Variants in MARCHF1 observed in about 807,000 individuals in gnomAD.
The protein encoded by MARCHF1 is membrane associated ring-CH-type finger 1.
In MARCHF1, 40 loss-of-function variants were observed where a neutral mutation model predicts 54.2. The observed-to-expected ratio is 0.74, with a 90% CI of 0.57 to 0.96. MARCHF1 has a LOEUF of 0.96. Among genes scored for constraint, MARCHF1 ranks in the 40% least tolerant of loss-of-function variants. MARCHF1 has a pLI of 0.00. For missense variants in MARCHF1, 586 were observed against 656.5 expected, an observed-to-expected ratio of 0.89 and a Z score of 1.17; for synonymous variants, 236 against 236.3, an observed-to-expected ratio of 1.00 and a Z score of 0.01.
At chr4:164,033,675 C>G (rs1379488049) in intron 2 of MARCHF1, among the ~76,000 whole-genome samples, 1 of 152,102 alleles carries the variant, frequency 6.6e-6, no homozygotes, top group African/African-American at 2.4e-5. Flanking sequence ...TGAAAAAAAG[C>G]TCAACATCAC....
chr4:163,600,215 ATACACACACAC>A (rs1310220143), intron 7 of MARCHF1, among the ~76,000 whole-genome samples: 2 of 152,016 alleles, frequency 1.3e-5, no homozygotes, highest in African/African-American at 2.4e-5. Flanking sequence ...CATATTTTAT[ATACACACACAC>A]TACACACACA....
At chr4:164,177,558 C>A (rs942265416) in intron 1 of MARCHF1, among the ~76,000 whole-genome samples, 1 of 151,582 alleles carries the variant, frequency 6.6e-6, no homozygotes, top group African/African-American at 2.4e-5. Context: ...AGGACAAGTT[C>A]TTTTTCCTCT....
intron 1 of MARCHF1, among the ~76,000 whole-genome samples, chr4:164,136,272 G>GAAAAAAAAAAAAAA (rs5863663): frequency 8.2e-6 from 1 of 121,520 alleles, no homozygotes; most frequent in Non-Finnish European, 1.6e-5. Context: ...AGTTGAAGTG[G>GAAAAAAAAAAAAAA]AAAAAAAAAA....
chr4:164,049,447 T>A (rs1579490384), intron 2 of MARCHF1, among the ~76,000 whole-genome samples: 1 of 152,316 alleles, frequency 6.6e-6, no homozygotes, highest in Non-Finnish European at 1.5e-5. Flanking sequence ...TAATCTTTTT[T>A]TTTTTAAATA....
chr4:163,758,801 C>T (rs1419725877), intron 4 of MARCHF1, among the ~76,000 whole-genome samples: 2 of 152,156 alleles, frequency 1.3e-5, no homozygotes, highest in African/African-American at 4.8e-5. Flanking sequence ...CAGCCTAAAA[C>T]TTTTCAGACA....
At chr4:163,665,742 C>T (rs1014067188) in intron 5 of MARCHF1, among the ~76,000 whole-genome samples, 2 of 152,136 alleles carry the variant, frequency 1.3e-5, no homozygotes, top group African/African-American at 4.8e-5. Flanking sequence ...TCTACTGTCT[C>T]AGACAGAATA....
At chr4:164,239,435 A>G (rs1264408579) in intron 1 of MARCHF1, among the ~76,000 whole-genome samples, 1 of 151,982 alleles carries the variant, frequency 6.6e-6, no homozygotes, top group Non-Finnish European at 1.5e-5. Context: ...TTATTCAGAG[A>G]CTTTTAGTAT....
chr4:164,071,918 A>C (rs937024990), intron 2 of MARCHF1, among the ~76,000 whole-genome samples: 2 of 152,124 alleles, frequency 1.3e-5, no homozygotes, highest in Non-Finnish European at 2.9e-5. Flanking sequence ...GAAGTGTTTC[A>C]TTGTATTTTT....
chr4:163,712,294 A>G (rs1375604150), intron 4 of MARCHF1, among the ~76,000 whole-genome samples: 1 of 152,208 alleles, frequency 6.6e-6, no homozygotes. Flanking sequence ...TAAAACCTTC[A>G]TGGGTCACAC....
chr4:163,607,158 C>T lies in MARCHF1; in HGVS notation c.1010+5113G>A, dbSNP rs147170386. Among the ~76,000 whole-genome samples, 247 of 152,050 alleles carry T rather than the reference C, an allele frequency of 1.6e-3. 1 individual carries two copies. The highest frequency in any genetic ancestry group is 5.5e-3 in the African/African-American group (229 of 41,484). ...CATCTGTATACTTTGTTTTACTGTTCGTGTGGTTAACATACCCCTTTCTTG... is the reference window on the plus strand; with the variant it reads ...CATCTGTATACTTTGTTTTACTGTTTGTGTGGTTAACATACCCCTTTCTTG... On this transcript the variant is annotated intron_variant, in intron 7 of 9. Coordinates refer to ENST00000514618, the MANE Select transcript of MARCHF1 (RefSeq NM_001394959.1).
intron 1 of MARCHF1, among the ~76,000 whole-genome samples, chr4:164,264,159 G>A (rs13123085): frequency 0.13 from 19,559 of 152,124 alleles, 1,437 homozygotes; most frequent in Non-Finnish European, 0.18. Flanking sequence ...ATACTACGCC[G>A]CCATTAAAAA....
chr4:164,364,860 G>A (rs941588810), intron 1 of MARCHF1, among the ~76,000 whole-genome samples: 32 of 151,198 alleles, frequency 2.1e-4, no homozygotes, highest in African/African-American at 7.8e-4. Flanking sequence ...TCTATAACCT[G>A]TAGATTATCT....
chr4:164,267,608 A>G (rs368131150), intron 1 of MARCHF1, among the ~76,000 whole-genome samples: 5 of 152,300 alleles, frequency 3.3e-5, no homozygotes, highest in East Asian at 1.9e-4. Context: ...ACCCTCAGTC[A>G]AAATTTAAGA....
intron 1 of MARCHF1, among the ~76,000 whole-genome samples, chr4:164,144,373 T>G (rs1729608286): frequency 6.6e-6 from 1 of 151,326 alleles, no homozygotes; most frequent in Admixed American, 6.6e-5. Context: ...TATATATTTT[T>G]TTCAGCACCA....
At chr4:164,159,656 T>G (rs1318150130) in intron 1 of MARCHF1, among the ~76,000 whole-genome samples, 1 of 152,182 alleles carries the variant, frequency 6.6e-6, no homozygotes. Context: ...CAGGTGATAC[T>G]TGTAAATTTG....
chr4:163,749,434 C>T (rs1467046484), intron 4 of MARCHF1, among the ~76,000 whole-genome samples: 1 of 151,774 alleles, frequency 6.6e-6, no homozygotes, highest in South Asian at 2.1e-4. Flanking sequence ...TTTTGTACTG[C>T]CTTCTTGCCC....
chr4:163,846,968 T>C (rs1749500027), intron 4 of MARCHF1, among the ~76,000 whole-genome samples: 1 of 152,072 alleles, frequency 6.6e-6, no homozygotes, highest in Non-Finnish European at 1.5e-5. Context: ...ATCCAGAGAA[T>C]GGCAGTGTTT....
In MARCHF1 at chr4:163,733,229, A is replaced by G. The variant is rs1348954796; in HGVS notation, c.112-32366T>C. The stretch of plus-strand genomic sequence containing the variant: ...TATATATATATATATATACACGTGT[A>G]TATATATATATACACGTGTATATAT... On this transcript the variant is annotated intron_variant, in intron 4 of 9. Transcript: ENST00000514618. Among the ~76,000 whole-genome samples the G allele has an allele frequency of 3.1e-4, 20 of 64,718 alleles. 1 individual carries two copies. The highest frequency in any genetic ancestry group is 1.2e-3 in the East Asian group (2 of 1,604). 42.5% of individuals were successfully genotyped at this position (64,718 alleles called of 152,430 possible).
chr4:164,370,840 G>A (rs544622817), intron 1 of MARCHF1, among the ~76,000 whole-genome samples: 10 of 152,150 alleles, frequency 6.6e-5, no homozygotes, highest in South Asian at 2.1e-4. Context: ...CCCGGGAGGC[G>A]GAGGTTGCAT....
Sources: gnomAD v4.1 joint callset for allele counts (sites outside exome capture counted in the v4.1 genomes callset) on GRCh38, gnomAD v4.1.1 for gene constraint, MANE v1.5 for transcripts, NCBI Gene and HGNC (gene_info 2026-07-23, HGNC 2026-07-21) for gene names.